USO1: variants seen among roughly 807,000 people sequenced by gnomAD.
USO1 encodes USO1 vesicle transport factor.
In USO1, 57 loss-of-function variants were observed where a neutral mutation model predicts 124.5. The observed-to-expected ratio is 0.46, with a 90% CI of 0.37 to 0.57. USO1 has a LOEUF of 0.57. Ranked by LOEUF, USO1 falls within the 20% of genes least tolerant of loss-of-function variation. The pLI is 0.00. For synonymous variants in USO1, 369 were observed against 362.8 expected (o/e 1.02, Z -0.19); for missense variants, 900 against 1,040.6 (o/e 0.86, Z 1.86).
intron 1 of USO1, among the ~76,000 whole-genome samples, chr4:75,743,107 C>T (rs1169184353): frequency 6.6e-6 from 1 of 151,842 alleles, no homozygotes; most frequent in Non-Finnish European, 1.5e-5. Flanking sequence ...GCCTCAGCCT[C>T]CCGAGTGGCT....
At chr4:75,793,263 G>T (rs971391743) in intron 12 of USO1, among the ~76,000 whole-genome samples, 2 of 129,372 alleles carry the variant, frequency 1.5e-5, no homozygotes, top group African/African-American at 5.9e-5. Context: ...AGGTTGGAGT[G>T]CAGTGGCGCA....
intron 6 of USO1, 28 bp from the exon 7 acceptor site, chr4:75,771,054 G>A (rs1344274942): frequency 6.2e-7 from 1 of 1,601,104 alleles, no homozygotes; most frequent in African/African-American, 1.4e-5. Flanking sequence ...TGGTCTGCCA[G>A]CATTTTTCAC....
intron 20 of USO1, among the ~76,000 whole-genome samples, chr4:75,807,957 CTG>C (rs1417039412): frequency 6.6e-6 from 1 of 151,694 alleles, no homozygotes. Flanking sequence ...ATATAGAAAA[CTG>C]TAACTCATTT....
intron 4 of USO1, chr4:75,767,487 G>C (rs772764537): frequency 2.3e-6 from 1 of 438,512 alleles, no homozygotes; most frequent in African/African-American, 2.1e-5. Context: ...GCTCACGCCT[G>C]TAATCCCAGC....
At chr4:75,778,861 C>G (rs1446317913) in intron 8 of USO1, among the ~76,000 whole-genome samples, 2 of 152,096 alleles carry the variant, frequency 1.3e-5, no homozygotes. Flanking sequence ...GATGGGGGAA[C>G]TGGAAAGTAC....
At chr4:75,744,645 C>T (rs1195129495) in intron 1 of USO1, among the ~76,000 whole-genome samples, 2 of 152,196 alleles carry the variant, frequency 1.3e-5, no homozygotes, top group East Asian at 3.9e-4. Context: ...GTCTTGAACT[C>T]CTGACCTCAG....
intron 17 of USO1, among the ~76,000 whole-genome samples, chr4:75,801,475 T>C (rs565089918): frequency 6.6e-6 from 1 of 152,348 alleles, no homozygotes; most frequent in East Asian, 1.9e-4. Context: ...GAACTTTCAT[T>C]ACTTGCATTG....
chr4:75,803,864 G>A (rs374917405), intron 17 of USO1, among the ~76,000 whole-genome samples: 4 of 151,962 alleles, frequency 2.6e-5, no homozygotes, highest in African/African-American at 9.7e-5. Flanking sequence ...ATAAAATGGA[G>A]TTTTTTCATT....
At position 75,800,410 on chromosome 4, in the gene USO1, T is replaced by G; in HGVS notation, c.1623T>G (p.Cys541Trp). The change falls in exon 15 of 24, where the codon TGT (cysteine) becomes TGG (tryptophan). Residue 541 changes from cysteine (C) to tryptophan (W), a missense_variant. This residue lies in a region of USO1 where 538 missense variants were observed against 681.6 expected (regional missense o/e 0.79). Transcript: ENST00000514213. The stretch of plus-strand genomic sequence containing the variant: ...AAGAGCAGTTGGTCCAAGGCTTATG[T>G]GCCCTTTTGTTGGGCATTTCGATTT... Reference protein sequence around the residue: ...GEEEQLVQGLCALLLGISIYF... With the variant: ...GEEEQLVQGLWALLLGISIYF... The G allele has an allele frequency of 6.3e-7, 1 of 1,599,262 alleles. No homozygotes were observed. Among genetic ancestry groups the G allele is most frequent in the Middle Eastern group, 1.7e-4 (1 of 6,048 alleles).
intron 4 of USO1, among the ~76,000 whole-genome samples, chr4:75,760,974 C>G (rs530734866): frequency 1.3e-5 from 2 of 152,222 alleles, no homozygotes; most frequent in East Asian, 3.9e-4. Context: ...TGGTGAAACC[C>G]TGTCTCTACT....
chr4:75,755,124 A>G (rs7655464), intron 3 of USO1, among the ~76,000 whole-genome samples: 80,143 of 152,116 alleles, frequency 0.53, 23,117 homozygotes, highest in East Asian at 0.82. Context: ...AGAGCAAACT[A>G]TCCTAGAGAG....
intron 4 of USO1, among the ~76,000 whole-genome samples, chr4:75,767,135 A>G (rs896755892): frequency 3.3e-5 from 5 of 151,470 alleles, no homozygotes; most frequent in African/African-American, 7.3e-5. Flanking sequence ...CATCTCCCCA[A>G]CCTCTTAATA....
chr4:75,776,551 A>G (rs998637869), intron 8 of USO1, among the ~76,000 whole-genome samples: 8 of 152,198 alleles, frequency 5.3e-5, no homozygotes, highest in African/African-American at 1.4e-4. Context: ...AAGTTTTCCT[A>G]GTTGCTAAAA....
chr4:75,727,498 GAATAA>G (rs1423830212), intron 1 of USO1, among the ~76,000 whole-genome samples: 1 of 152,136 alleles, frequency 6.6e-6, no homozygotes, highest in East Asian at 1.9e-4. Context: ...GGTACAGTAT[GAATAA>G]AATTTGTTTC....
chr4:75,779,111 T>A (rs1437887332), intron 8 of USO1, among the ~76,000 whole-genome samples: 3 of 152,160 alleles, frequency 2.0e-5, no homozygotes, highest in Admixed American at 2.0e-4. Flanking sequence ...ACAGTGCCCA[T>A]ATAAGAGGGC....
At chr4:75,725,143 A>C (rs926391899) in intron 1 of USO1, among the ~76,000 whole-genome samples, 1 of 152,206 alleles carries the variant, frequency 6.6e-6, no homozygotes, top group Non-Finnish European at 1.5e-5. Context: ...AGCTCGGGCT[A>C]GGAGAGTGGT....
chr4:75,745,007 G>A lies in USO1; in HGVS notation c.67-7366G>A, dbSNP rs376509109. 39 of 417,946 alleles carry A rather than the reference G, an allele frequency of 9.3e-5. No homozygotes were observed. The Middle Eastern group carries it at 2.1e-3, about 22-fold the overall frequency. 25.9% of individuals were successfully genotyped at this position (417,946 alleles called of 1,614,324 possible). The stretch of plus-strand genomic sequence containing the variant: ...AAGCCTCTTAAATTTAGGTCTTTCC[G>A]TTATTCCCTTACCTTCTCCCTTATC... On this transcript the variant is annotated intron_variant, in intron 1 of 23. Coordinates refer to ENST00000514213, the MANE Select transcript of USO1 (RefSeq NM_003715.4).
intron 7 of USO1, among the ~76,000 whole-genome samples, chr4:75,771,594 G>T (rs933268841): frequency 2.0e-5 from 3 of 152,204 alleles, no homozygotes; most frequent in Admixed American, 1.3e-4. Context: ...TCCTCATAAA[G>T]AGTAGCGGAG....
At chr4:75,767,649 C>T (rs750289640) in intron 4 of USO1, 8 of 278,904 alleles carry the variant, frequency 2.9e-5, no homozygotes, top group Admixed American at 9.8e-5. Context: ...GAGGCTGAGG[C>T]GAGCGGATCA....
Sources: allele counts gnomAD v4.1 joint callset (sites outside exome capture counted in the v4.1 genomes callset), GRCh38; gene constraint gnomAD v4.1.1; regional missense constraint gnomAD v4.1.1; transcripts MANE v1.5; gene names NCBI Gene and HGNC (gene_info 2026-07-23, HGNC 2026-07-21).